Variants in CNTNAP2 observed in about 807,000 individuals in gnomAD.
The protein encoded by CNTNAP2 is contactin-associated protein-like 2.
CNTNAP2 carries 98 observed loss-of-function variants against 155.2 expected under a neutral mutation model. The ratio of observed to expected loss-of-function variants is 0.63; its 90% CI spans 0.54 to 0.75. The LOEUF (loss-of-function observed/expected upper bound fraction) is 0.75. Among genes scored for constraint, CNTNAP2 ranks in the 30% least tolerant of loss-of-function variants. The pLI is 0.00. For missense variants in CNTNAP2, 1,727 were observed against 1,688.1 expected (o/e 1.02, Z -0.40); for synonymous variants, 651 against 631.2 (o/e 1.03, Z -0.47).
chr7:147,524,101 T>G lies in CNTNAP2; in HGVS notation c.1778-38037T>G, dbSNP rs566387705. 4.0e-4 allele frequency among the ~76,000 whole-genome samples: 61 copies of G among 152,342 alleles called. 1 individual carries two copies. The highest frequency in any genetic ancestry group is 2.5e-4 in the Non-Finnish European group (17 of 68,030). ...ACTTCGGGTCAGACTCTCACACAAC[T>G]GCACACATGGTAGCTTTGCTCCACT... On this transcript the variant is annotated intron_variant, in intron 11 of 23. Coordinates refer to ENST00000361727, the MANE Select transcript of CNTNAP2 (RefSeq NM_014141.6).
intron 1 of CNTNAP2, among the ~76,000 whole-genome samples, chr7:146,411,862 A>G (rs1199189960): frequency 6.7e-6 from 1 of 150,324 alleles, no homozygotes; most frequent in Non-Finnish European, 1.5e-5. Flanking sequence ...TTTGAGATAG[A>G]GTCTCTCTCT....
chr7:146,746,174 G>A (rs890083193), intron 1 of CNTNAP2, among the ~76,000 whole-genome samples: 1 of 152,078 alleles, frequency 6.6e-6, no homozygotes, highest in Non-Finnish European at 1.5e-5. Context: ...GTTGCACAAG[G>A]TTAATCCTTT....
At chr7:146,936,527 A>T (rs1009780956) in intron 3 of CNTNAP2, among the ~76,000 whole-genome samples, 1 of 152,224 alleles carries the variant, frequency 6.6e-6, no homozygotes, top group African/African-American at 2.4e-5. Flanking sequence ...AAAATTGAGA[A>T]AATGACCAAA....
intron 9 of CNTNAP2, among the ~76,000 whole-genome samples, chr7:147,374,435 A>G (rs1796401100): frequency 6.6e-6 from 1 of 152,068 alleles, no homozygotes; most frequent in African/African-American, 2.4e-5. Flanking sequence ...CTACCATTGC[A>G]TTTATTTGAA....
chr7:147,947,454 CAAAAAAAA>C lies in CNTNAP2; in HGVS notation c.2256-30391_2256-30384del, dbSNP rs10708483. 5.5e-3 allele frequency among the ~76,000 whole-genome samples: 440 copies of C among 80,306 alleles called. 2 individuals are homozygous for C. Among genetic ancestry groups the C allele is most frequent in the South Asian group, 0.026 (55 of 2,092 alleles). 52.7% of individuals were successfully genotyped at this position (80,306 alleles called of 152,430 possible). A position where few individuals can be genotyped will look rare whatever the true frequency, so the allele number is the denominator to read the frequency against. ...CCAACATAGGGAGACCCTGTCTCTA[CAAAAAAAA>C]AAAAAAAAAAAAAAAATTAGTTGGG... On this transcript the variant is annotated intron_variant, in intron 14 of 23. Coordinates refer to ENST00000361727, the MANE Select transcript of CNTNAP2 (RefSeq NM_014141.6).
intron 8 of CNTNAP2, among the ~76,000 whole-genome samples, chr7:147,287,268 T>A (rs1256138050): frequency 6.6e-6 from 1 of 151,972 alleles, no homozygotes; most frequent in Non-Finnish European, 1.5e-5. Context: ...GCTGGGGTGA[T>A]CCACCATCCC....
chr7:146,119,667 A>G (rs1361064817), intron 1 of CNTNAP2, among the ~76,000 whole-genome samples: 2 of 152,120 alleles, frequency 1.3e-5, no homozygotes, highest in African/African-American at 4.8e-5. Context: ...GAGGAGATTA[A>G]GCTAGCGCTT....
rs1009613641 is a variant in CNTNAP2, at chr7:146,659,506, A to G, written c.98-114765A>G. Among the ~76,000 whole-genome samples, 5 of 152,068 alleles carry G rather than the reference A, an allele frequency of 3.3e-5. No homozygotes were observed. The South Asian group carries it at 8.3e-4, about 25-fold the overall frequency. ...GGTGTTTGAGCAAAAGTTTAATTCT[A>G]TTTTTTTCAGGGATTCTCTAGAAGA... On this transcript the variant is annotated intron_variant, in intron 1 of 23. Coordinates refer to ENST00000361727, the MANE Select transcript of CNTNAP2 (RefSeq NM_014141.6).
intron 4 of CNTNAP2, among the ~76,000 whole-genome samples, chr7:147,091,814 G>A (rs533139842): frequency 6.6e-5 from 10 of 152,222 alleles, no homozygotes; most frequent in Middle Eastern, 6.8e-3. Context: ...CACCATGTTA[G>A]CCAGGATGAT....
chr7:146,637,313 TTTAA>T (rs1217368502), intron 1 of CNTNAP2, among the ~76,000 whole-genome samples: 1 of 152,200 alleles, frequency 6.6e-6, no homozygotes, highest in East Asian at 1.9e-4. Flanking sequence ...AAACTAAAGT[TTTAA>T]TTAAACAAAG....
At chr7:146,651,019 A>C (rs1799902079) in intron 1 of CNTNAP2, among the ~76,000 whole-genome samples, 1 of 150,922 alleles carries the variant, frequency 6.6e-6, no homozygotes, top group Admixed American at 6.6e-5. Flanking sequence ...CAACATAGTG[A>C]ATTTTTTTTT....
intron 12 of CNTNAP2, among the ~76,000 whole-genome samples, chr7:147,570,078 C>T (rs62481331): frequency 0.2 from 31,092 of 152,182 alleles, 3,419 homozygotes; most frequent in Admixed American, 0.29. Flanking sequence ...CGCTTTCCAG[C>T]GCTGACCTGA....
At chr7:147,648,864 A>G (rs949699140) in intron 13 of CNTNAP2, among the ~76,000 whole-genome samples, 1 of 152,186 alleles carries the variant, frequency 6.6e-6, no homozygotes, top group African/African-American at 2.4e-5. Flanking sequence ...CTATCCTATT[A>G]AAAACCTTTC....
chr7:146,981,065 T>C (rs962088782), intron 3 of CNTNAP2, among the ~76,000 whole-genome samples: 7 of 152,172 alleles, frequency 4.6e-5, no homozygotes, highest in African/African-American at 1.7e-4. Flanking sequence ...GAAGCAGCTA[T>C]TTCTTGGATA....
intron 13 of CNTNAP2, among the ~76,000 whole-genome samples, chr7:147,748,372 A>C (rs562244699): frequency 5.9e-5 from 9 of 152,246 alleles, no homozygotes; most frequent in African/African-American, 2.2e-4. Context: ...GATGAATGAA[A>C]AGTGTGCTGC....
intron 1 of CNTNAP2, among the ~76,000 whole-genome samples, chr7:146,316,080 C>T (rs1435962896): frequency 1.3e-5 from 2 of 151,922 alleles, no homozygotes; most frequent in African/African-American, 2.4e-5. Flanking sequence ...GCCTTTTAAT[C>T]TTTTTATTTC....
At chr7:147,051,377 C>A (rs1799471439) in intron 4 of CNTNAP2, among the ~76,000 whole-genome samples, 1 of 151,882 alleles carries the variant, frequency 6.6e-6, no homozygotes, top group Non-Finnish European at 1.5e-5. Flanking sequence ...ATTCAGTGAA[C>A]CTGTATCGCA....
chr7:146,159,043 T>G lies in CNTNAP2; in HGVS notation c.97+42070T>G, dbSNP rs373879677. Among the ~76,000 whole-genome samples the G allele has an allele frequency of 9.8e-5, 15 of 152,288 alleles. No homozygotes were observed. In the East Asian group the frequency reaches 2.5e-3, roughly 25 times the overall value. ...GCCCATGAGACTAACAGCAGATCTC[T>G]CGACAGAAACTCTACAAGCCAGAAG... is the stretch of plus-strand genomic sequence containing the variant. On this transcript the variant is annotated intron_variant, in intron 1 of 23. Transcript: ENST00000361727.
At chr7:146,644,837 C>A (rs1585022166) in intron 1 of CNTNAP2, among the ~76,000 whole-genome samples, 1 of 152,082 alleles carries the variant, frequency 6.6e-6, no homozygotes, top group South Asian at 2.1e-4. Flanking sequence ...TGGCAATAAT[C>A]AGTAGCTTAC....
Sources: allele counts gnomAD v4.1 joint callset (sites outside exome capture counted in the v4.1 genomes callset), GRCh38; gene constraint gnomAD v4.1.1; transcripts MANE v1.5; gene names NCBI Gene and HGNC (gene_info 2026-07-23, HGNC 2026-07-21).